Variants in NUP85 observed in about 807,000 individuals in gnomAD.
NUP85 encodes nucleoporin 85.
NUP85 carries 23 observed loss-of-function variants against 92.8 expected under a neutral mutation model. The ratio of observed to expected loss-of-function variants is 0.25; its 90% confidence interval spans 0.18 to 0.35. The LOEUF is 0.35. Ranked by LOEUF, NUP85 falls within the 10% of genes least tolerant of loss-of-function variation. NUP85 has a pLI of 1.00. For synonymous variants in NUP85, 314 were observed against 306.9 expected (o/e 1.02, Z -0.24); for missense variants, 759 against 822.8 (o/e 0.92, Z 0.95).
intron 6 of NUP85, 75 bp downstream of exon 6, chr17:75,215,898 G>A: frequency 1.2e-5 from 15 of 1,238,500 alleles, no homozygotes; most frequent in South Asian, 1.1e-4. Context: ...TCTTTCCTGT[G>A]CATGGTGATG....
Position 75,209,688 on chromosome 17 carries a change from T to G in NUP85, c.128-135T>G, listed in dbSNP as rs1388986199. On this transcript the variant is annotated intron_variant, in intron 2 of 18. Transcript: ENST00000245544. Reference sequence around the variant, plus strand: ...CGAATTCCTGACCTCGTGATCTGCCTGCCTTGGCCTCCCAAAGTGCTGGGA... The same window carrying G: ...CGAATTCCTGACCTCGTGATCTGCCGGCCTTGGCCTCCCAAAGTGCTGGGA... 5 of 611,052 alleles carry G rather than the reference T, an allele frequency of 8.2e-6. No individual in the cohort carries two copies. In the Admixed American group the frequency reaches 1.9e-4, roughly 23 times the overall value. 37.9% of individuals were successfully genotyped at this position (611,052 alleles called of 1,614,324 possible).
intron 1 of NUP85, among the ~76,000 whole-genome samples, chr17:75,206,766 C>A (rs1050452254): frequency 6.6e-6 from 1 of 152,046 alleles, no homozygotes; most frequent in Non-Finnish European, 1.5e-5. Context: ...GGCGCGGTCT[C>A]GGCTCACTGT....
intron 1 of NUP85, 77 bp downstream of exon 1, chr17:75,205,871 G>A (rs1361624942): frequency 1.3e-6 from 2 of 1,532,616 alleles, no homozygotes; most frequent in African/African-American, 2.7e-5. Context: ...AGGCTTGTCT[G>A]CTTCCCTAGT....
Position 75,231,943 on chromosome 17 carries a change from C to T in NUP85, c.1360C>T (p.Leu454=). ...LNTEQKALKV[L]RICEQRQMTE... ...CACCGAGCAGAAAGCCCTGAAGGTGCTGCGGATCTGTGAGCAGCGGCAGAT... is the reference window on the plus strand; with the variant it reads ...CACCGAGCAGAAAGCCCTGAAGGTGTTGCGGATCTGTGAGCAGCGGCAGAT... Residue 454 remains leucine (L), a synonymous_variant, in exon 14 of 19, where the codon CTG becomes TTG. Transcript: ENST00000245544. This position sits in a 1 kb window ranked among gnomAD's most constrained non-coding sequence, Gnocchi z 4.6. 6.2e-7 allele frequency: 1 copy of T among 1,614,214 alleles called. No homozygotes were observed.
intron 5 of NUP85, 150 bp downstream of exon 5, chr17:75,213,269 C>T (rs2075327904): frequency 1.5e-6 from 1 of 649,270 alleles, no homozygotes; most frequent in South Asian, 1.9e-5. Context: ...TTGTCTTGCC[C>T]CCTTCAAGGT....
chr17:75,226,661 G>A (rs1298351331), intron 11 of NUP85: 2 of 388,534 alleles, frequency 5.1e-6, no homozygotes, highest in African/African-American at 4.1e-5. Context: ...CTTGCCACAG[G>A]TAGATAATGG....
chr17:75,226,607 T>C (rs924711769), intron 11 of NUP85: 1 of 327,008 alleles, frequency 3.1e-6, no homozygotes, highest in South Asian at 2.5e-5. Context: ...ACTGGGGTTT[T>C]AGAGGGGATC....
chr17:75,210,575 A>C (rs1474608673), intron 3 of NUP85, among the ~76,000 whole-genome samples: 1 of 152,210 alleles, frequency 6.6e-6, no homozygotes, highest in Non-Finnish European at 1.5e-5. Context: ...GCGTCCCTTC[A>C]CATGGATGGC....
Position 75,209,839 on chromosome 17 carries a change from G to A in NUP85, c.144G>A (p.Val48=), listed in dbSNP as rs1184695264. The change falls in exon 3 of 19, where the codon GTG becomes GTA. Residue 48 remains valine, a synonymous_variant. Transcript: ENST00000245544. ...SFNKKEKSEM[V]PSCPFIYIIR... ...TGGTTTCAGAAAAATCAGAGATGGTGCCAAGTTGCCCCTTTATCTATATCA... is the reference window on the plus strand; with the variant it reads ...TGGTTTCAGAAAAATCAGAGATGGTACCAAGTTGCCCCTTTATCTATATCA... 2 of 1,576,544 alleles carry A rather than the reference G, an allele frequency of 1.3e-6. No homozygotes were observed. The highest frequency in any genetic ancestry group is 1.7e-6 in the Non-Finnish European group (2 of 1,169,230).
rs902809864 is a variant in NUP85 at position 75,231,190 on chromosome 17, A to G, written c.1095-150A>G. 15 of 751,120 alleles carry G rather than the reference A, an allele frequency of 2.0e-5. No homozygotes were observed. The highest frequency in any genetic ancestry group is 3.4e-5 in the Non-Finnish European group (15 of 443,476). 46.5% of individuals were successfully genotyped at this position (751,120 alleles called of 1,614,324 possible). A position where few individuals can be genotyped will look rare whatever the true frequency, so the allele number is the denominator to read the frequency against. Reference sequence around the variant, plus strand: ...GTGATCTGCCTGCCTTGGCCTCCCAAAGTACTGGGATCACGGGCATGAGCT... The same window carrying G: ...GTGATCTGCCTGCCTTGGCCTCCCAGAGTACTGGGATCACGGGCATGAGCT... On this transcript the variant is annotated intron_variant, in intron 11 of 18. Transcript: ENST00000245544. This position sits in a 1 kb window ranked among gnomAD's most constrained non-coding sequence, Gnocchi z 4.6.
At chr17:75,235,524 T>C in intron 18 of NUP85, 54 bp from the exon 19 acceptor site, 1 of 1,289,700 alleles carries the variant, frequency 7.8e-7, no homozygotes, top group Non-Finnish European at 1.1e-6. Flanking sequence ...CCTTCGGGAG[T>C]GTGAAAGGGC....
intron 2 of NUP85, 58 bp downstream of exon 2, chr17:75,208,678 T>C: frequency 1.1e-6 from 1 of 923,020 alleles, no homozygotes; most frequent in Non-Finnish European, 1.8e-6. Flanking sequence ...TTTTTCTGTT[T>C]ATTACCTCAG....
chr17:75,226,752 C>T (rs1551967), intron 11 of NUP85: 447,456 of 451,242 alleles, frequency 0.99, 221,980 homozygotes, highest in East Asian at 1. Context: ...CAGGGATGTT[C>T]ATTTAAAATA....
chr17:75,218,327 A>C, intron 7 of NUP85, 21 bp downstream of exon 7: 2 of 1,611,148 alleles, frequency 1.2e-6, no homozygotes, highest in Non-Finnish European at 8.5e-7. Context: ...CCGGGCCCCC[A>C]CCTCCCACCA....
intron 1 of NUP85, among the ~76,000 whole-genome samples, chr17:75,206,136 G>T (rs77899377): frequency 1.9e-4 from 29 of 152,032 alleles, no homozygotes; most frequent in Non-Finnish European, 5.9e-5. Flanking sequence ...TATTCCAGCC[G>T]TATTAAGCTC....
chr17:75,230,869 G>A (rs938170222), intron 11 of NUP85, among the ~76,000 whole-genome samples: 2 of 151,538 alleles, frequency 1.3e-5, no homozygotes, highest in Non-Finnish European at 2.9e-5. Context: ...GCAGTGAGTC[G>A]AGATCTCACC....
rs963033127 is a variant in NUP85, at chr17:75,232,709, C to G, written c.1397-142C>G. 18 of 759,218 alleles carry G rather than the reference C, an allele frequency of 2.4e-5. No individual in the cohort carries two copies. The African/African-American group carries it at 2.6e-4, about 11-fold the overall frequency. 47.0% of individuals were successfully genotyped at this position (759,218 alleles called of 1,614,324 possible). On this transcript the variant is annotated intron_variant, in intron 14 of 18. Transcript: ENST00000245544. ...CTGTTAATCAGCCGAGTTTCCAGCT[C>G]TGCCGATCCAGCTGCATTTAGAGCC...
At chr17:75,233,193 C>A in intron 16 of NUP85, 35 bp downstream of exon 16, 1 of 1,579,150 alleles carries the variant, frequency 6.3e-7, no homozygotes, top group East Asian at 2.2e-5. Flanking sequence ...GTGCTTTGGG[C>A]ACAAGTGGGT....
intron 7 of NUP85, among the ~76,000 whole-genome samples, chr17:75,222,013 T>G (rs367841619): frequency 6.8e-6 from 1 of 147,032 alleles, no homozygotes; most frequent in African/African-American, 2.4e-5. Flanking sequence ...ATTTTAGACA[T>G]GTTTCTCTCG....
Sources: allele counts gnomAD v4.1 joint callset (sites outside exome capture counted in the v4.1 genomes callset), GRCh38; gene constraint gnomAD v4.1.1; non-coding constraint Gnocchi (gnomAD v3.1); transcripts MANE v1.5; gene names NCBI Gene and HGNC (gene_info 2026-07-23, HGNC 2026-07-21).